The following FBXW11 variants were observed in gnomAD, a reference collection of about 807,000 sequenced individuals.
The protein encoded by FBXW11 is F-box and WD repeat domain containing 11.
Under a neutral mutation model 77.6 loss-of-function variants are expected in FBXW11, and 19 were observed. That is an observed-to-expected ratio of 0.24 (90% CI 0.17 to 0.36). The LOEUF (loss-of-function observed/expected upper bound fraction) is 0.36. Among genes scored for constraint, FBXW11 ranks in the 10% least tolerant of loss-of-function variants. FBXW11 has a pLI of 1.00. For synonymous variants in FBXW11, 235 were observed against 249.4 expected, an observed-to-expected ratio of 0.94 and a Z score of 0.54; for missense variants, 334 against 704.2, an observed-to-expected ratio of 0.47 and a Z score of 5.95.
rs761255187 is a variant in FBXW11, at chr5:171,868,814, T to C, written c.1531-18A>G. 1 of 1,604,112 alleles carries C rather than the reference T, an allele frequency of 6.2e-7. No individual in the cohort carries two copies. Among genetic ancestry groups the C allele is most frequent in the South Asian group, 1.1e-5 (1 of 89,682 alleles). On this transcript the variant is annotated intron_variant, in intron 12 of 13. Coordinates refer to ENST00000517395, the MANE Select transcript of FBXW11 (RefSeq NM_001378974.1). The stretch of plus-strand genomic sequence containing the variant: ...GAATGTTCCTATGAAATACAAAACT[T>C]CATGAATAAAATGAGATCTTTACAG...
At chr5:172,006,347 T>C (rs1231250639) in intron 1 of FBXW11, 111 bp downstream of exon 1, 1 of 964,138 alleles carries the variant, frequency 1.0e-6, no homozygotes, top group Non-Finnish European at 1.5e-6. Context: ...CGGGTCTGGG[T>C]CGAGGCGTCT....
rs149278618 is a variant in FBXW11 at position 171,903,558 on chromosome 5, T to A, written c.437-3458A>T. 3.6e-3 allele frequency among the ~76,000 whole-genome samples: 546 copies of A among 152,304 alleles called. 3 individuals carry two copies. The highest frequency in any genetic ancestry group is 0.013 in the African/African-American group (523 of 41,566). ...CTTCTTTTATCACATTTTTGTTCAG[T>A]CTCTAGCCGTGGACTAACAGACTTA... On this transcript the variant is annotated intron_variant, in intron 4 of 13. Transcript: ENST00000517395.
intron 7 of FBXW11, among the ~76,000 whole-genome samples, chr5:171,888,926 G>A (rs1759104825): frequency 6.6e-6 from 1 of 152,120 alleles, no homozygotes; most frequent in Non-Finnish European, 1.5e-5. Flanking sequence ...TAGAGATGAA[G>A]AGATGAAAAA....
chr5:171,949,803 T>C (rs1190957465), intron 2 of FBXW11, among the ~76,000 whole-genome samples: 3 of 152,168 alleles, frequency 2.0e-5, no homozygotes, highest in African/African-American at 7.2e-5. Flanking sequence ...TTTTCATCCA[T>C]CAAAATCTCA....
At chr5:171,929,026 T>C (rs1389917799) in intron 2 of FBXW11, among the ~76,000 whole-genome samples, 1 of 151,746 alleles carries the variant, frequency 6.6e-6, no homozygotes, top group Non-Finnish European at 1.5e-5. Context: ...TGAGCTGAGG[T>C]CGTGCCACTG....
intron 7 of FBXW11, among the ~76,000 whole-genome samples, chr5:171,885,701 T>A (rs1377448747): frequency 6.6e-6 from 1 of 152,208 alleles, no homozygotes. Flanking sequence ...TTTCAAAGAT[T>A]GAACTATTTA....
intron 2 of FBXW11, among the ~76,000 whole-genome samples, chr5:171,922,395 C>T (rs1761647312): frequency 6.6e-6 from 1 of 152,184 alleles, no homozygotes; most frequent in African/African-American, 2.4e-5. Flanking sequence ...TACACGTAGG[C>T]CCCTAAAACC....
chr5:172,006,598 A>G lies in FBXW11; in HGVS notation c.-96T>C, dbSNP rs566787446. 8 of 1,378,168 alleles carry G rather than the reference A, an allele frequency of 5.8e-6. No individual in the cohort carries two copies. In the East Asian group the frequency reaches 1.8e-4, roughly 32 times the overall value. The allele number at this position is 1,378,168 out of a possible 1,614,324, so 85.4% of individuals were successfully genotyped here. A position where few individuals can be genotyped will look rare whatever the true frequency, so the allele number is the denominator to read the frequency against. On this transcript the variant is annotated 5_prime_UTR_variant, in exon 1 of 14. Coordinates refer to ENST00000517395, the MANE Select transcript of FBXW11 (RefSeq NM_001378974.1). The stretch of plus-strand genomic sequence containing the variant: ...GGAGGCGGCAGAGGCGGAGGCGGCT[A>G]TCGCACCCACTCTAGCTGCCAGCCC...
At chr5:171,870,254 T>C (rs1157393696) in intron 11 of FBXW11, among the ~76,000 whole-genome samples, 2 of 152,092 alleles carry the variant, frequency 1.3e-5, no homozygotes, top group African/African-American at 4.8e-5. Flanking sequence ...ATTTGGGAAG[T>C]ATATATAAGG....
chr5:171,967,869 TATATATATATATATACACACAC>T (rs1198401219), intron 1 of FBXW11, among the ~76,000 whole-genome samples: 2 of 74,232 alleles, frequency 2.7e-5, no homozygotes, highest in African/African-American at 1.1e-4. Flanking sequence ...TATATATATA[TATATATATATATATACACACAC>T]ACACACACAC....
intron 2 of FBXW11, among the ~76,000 whole-genome samples, chr5:171,948,502 T>C (rs1323344604): frequency 6.6e-6 from 1 of 151,248 alleles, no homozygotes; most frequent in African/African-American, 2.4e-5. Flanking sequence ...CTTTGGGAGG[T>C]AGAGGCAGGA....
At chr5:171,942,116 G>C (rs1214772678) in intron 2 of FBXW11, among the ~76,000 whole-genome samples, 1 of 151,324 alleles carries the variant, frequency 6.6e-6, no homozygotes, top group African/African-American at 2.4e-5. Context: ...AAGTAAAGCT[G>C]ACCGAATGCT....
intron 1 of FBXW11, among the ~76,000 whole-genome samples, chr5:171,971,777 G>T (rs1270598144): frequency 6.6e-6 from 1 of 152,206 alleles, no homozygotes; most frequent in Non-Finnish European, 1.5e-5. Flanking sequence ...GAGCACAGGA[G>T]TTCAACACCA....
At chr5:171,922,074 AAGGGAGGGAGGGAGGG>A (rs894159512) in intron 2 of FBXW11, among the ~76,000 whole-genome samples, 37 of 140,638 alleles carry the variant, frequency 2.6e-4, no homozygotes, top group African/African-American at 8.2e-4. Flanking sequence ...ACAAACAAAC[AAGGGAGGGAGGGAGGG>A]AGGGAGGGAG....
rs1168994320 is a variant in FBXW11 at position 171,904,706 on chromosome 5, G to A, written c.437-4606C>T. ...CCTGCCTCAGCCTCCCGAGTAGCTGGGACTACAGGCGCACACCACCATGCC... is the reference window on the plus strand; with the variant it reads ...CCTGCCTCAGCCTCCCGAGTAGCTGAGACTACAGGCGCACACCACCATGCC... On this transcript the variant is annotated intron_variant, in intron 4 of 13. Transcript: ENST00000517395. This position sits in a 1 kb window ranked among gnomAD's most constrained non-coding sequence, Gnocchi z 4.0. Among the ~76,000 whole-genome samples, 4 of 151,938 alleles carry A rather than the reference G, an allele frequency of 2.6e-5. No individual in the cohort carries two copies. Among genetic ancestry groups the A allele is most frequent in the Non-Finnish European group, 4.4e-5 (3 of 67,982 alleles).
chr5:171,934,966 GTTTTGT>G (rs563466867), intron 2 of FBXW11, among the ~76,000 whole-genome samples: 97 of 151,472 alleles, frequency 6.4e-4, no homozygotes, highest in African/African-American at 2.2e-3. Flanking sequence ...TTTGTTTTTT[GTTTTGT>G]TTTTGAGACG....
Position 171,875,460 on chromosome 5 carries a change from G to C in FBXW11, c.1221+825C>G, listed in dbSNP as rs560475134. On this transcript the variant is annotated intron_variant, in intron 9 of 13. Transcript: ENST00000517395. ...CACCAGGGACTGGGAAGAAACACAG[G>C]CTGACTGCTAATGAGTGTGAGGGTT... Among the ~76,000 whole-genome samples the C allele has an allele frequency of 1.7e-4, 26 of 152,290 alleles. No homozygotes were observed. In the South Asian group the frequency reaches 5.4e-3, roughly 32 times the overall value.
chr5:171,897,872 T>A (rs907193525), intron 6 of FBXW11, among the ~76,000 whole-genome samples: 21 of 152,036 alleles, frequency 1.4e-4, no homozygotes, highest in African/African-American at 5.1e-4. Context: ...TACACACACA[T>A]CAACCTAAGA....
intron 2 of FBXW11, among the ~76,000 whole-genome samples, chr5:171,945,083 A>T (rs839279): frequency 6.6e-6 from 1 of 152,108 alleles, no homozygotes; most frequent in Non-Finnish European, 1.5e-5. Context: ...AAAAGACAAC[A>T]GACAGGAGGA....
Sources: allele counts gnomAD v4.1 joint callset (sites outside exome capture counted in the v4.1 genomes callset), GRCh38; gene constraint gnomAD v4.1.1; non-coding constraint Gnocchi (gnomAD v3.1); transcripts MANE v1.5; gene names NCBI Gene and HGNC (gene_info 2026-07-23, HGNC 2026-07-21).